Variants in RIMS1 observed in about 807,000 individuals in gnomAD.
RIMS1 encodes regulating synaptic membrane exocytosis protein 1.
Under a neutral mutation model 214.1 loss-of-function variants are expected in RIMS1, and 83 were observed. That is an observed-to-expected ratio of 0.39 (90% CI 0.32 to 0.47). RIMS1 has a LOEUF of 0.47. RIMS1 is among the 20% of genes least tolerant of loss of function. RIMS1 has a pLI of 0.99. For synonymous variants in RIMS1, 793 were observed against 786.8 expected, an observed-to-expected ratio of 1.01 and a Z score of -0.13; for missense variants, 2,050 against 2,161.8, an observed-to-expected ratio of 0.95 and a Z score of 1.03.
intron 4 of RIMS1, among the ~76,000 whole-genome samples, chr6:72,144,445 C>T (rs905395420): frequency 4.6e-5 from 7 of 152,002 alleles, no homozygotes; most frequent in East Asian, 1.9e-4. Flanking sequence ...TGGGGTCCTC[C>T]GTGAAGAGAC....
At chr6:72,309,988 T>C (rs2095429891) in intron 27 of RIMS1, among the ~76,000 whole-genome samples, 1 of 152,094 alleles carries the variant, frequency 6.6e-6, no homozygotes, top group Admixed American at 6.5e-5. Flanking sequence ...CATCAAGTAT[T>C]TTATAACTAT....
chr6:72,181,405 G>A (rs2048382170), intron 5 of RIMS1, among the ~76,000 whole-genome samples: 1 of 152,174 alleles, frequency 6.6e-6, no homozygotes, highest in Non-Finnish European at 1.5e-5. Context: ...GGGAGAAGAA[G>A]AGACAAAAAT....
At chr6:72,088,595 A>G (rs1181296910) in intron 2 of RIMS1, among the ~76,000 whole-genome samples, 6 of 152,096 alleles carry the variant, frequency 3.9e-5, no homozygotes, top group Non-Finnish European at 8.8e-5. Flanking sequence ...TCAGTTTTAG[A>G]GGAATTCATG....
At chr6:71,934,409 T>C (rs1382140784) in intron 1 of RIMS1, among the ~76,000 whole-genome samples, 2 of 152,192 alleles carry the variant, frequency 1.3e-5, no homozygotes, top group Non-Finnish European at 2.9e-5. Context: ...AATACCCTAC[T>C]GTACTCAGTC....
At chr6:71,948,278 C>T (rs920954320) in intron 1 of RIMS1, among the ~76,000 whole-genome samples, 5 of 152,102 alleles carry the variant, frequency 3.3e-5, no homozygotes, top group African/African-American at 1.2e-4. Context: ...GGTTTTCTTT[C>T]TTCTGTGCAC....
intron 4 of RIMS1, among the ~76,000 whole-genome samples, chr6:72,126,503 G>T (rs1200424444): frequency 6.6e-6 from 1 of 151,796 alleles, no homozygotes; most frequent in African/African-American, 2.4e-5. Context: ...AATAGGGGAA[G>T]AGCTTCACAA....
chr6:72,216,355 TGTCCCCA>T, intron 6 of RIMS1: 1 of 622,658 alleles, frequency 1.6e-6, no homozygotes, highest in Non-Finnish European at 2.0e-6. Context: ...CACCTTCTCC[TGTCCCCA>T]GCTCTCTGGC....
intron 23 of RIMS1, among the ~76,000 whole-genome samples, chr6:72,276,408 A>G (rs2086439900): frequency 6.6e-6 from 1 of 152,134 alleles, no homozygotes; most frequent in Admixed American, 6.5e-5. Flanking sequence ...AATTCAAATA[A>G]TACTTTCAGT....
At chr6:71,895,413 G>A (rs549332517) in intron 1 of RIMS1, among the ~76,000 whole-genome samples, 38 of 152,168 alleles carry the variant, frequency 2.5e-4, no homozygotes, top group Middle Eastern at 6.8e-3. Flanking sequence ...GGTGGCTCAC[G>A]CCTGCAATCC....
intron 4 of RIMS1, among the ~76,000 whole-genome samples, chr6:72,105,348 A>AT (rs1245075396): frequency 6.6e-6 from 1 of 152,038 alleles, no homozygotes; most frequent in East Asian, 1.9e-4. Flanking sequence ...CAATAAATGC[A>AT]TTTTACATGG....
intron 1 of RIMS1, among the ~76,000 whole-genome samples, chr6:71,891,304 T>C (rs2150346030): frequency 6.6e-6 from 1 of 152,380 alleles, no homozygotes. Context: ...TTCATTTTTT[T>C]CCTACAAATC....
intron 1 of RIMS1, among the ~76,000 whole-genome samples, chr6:71,906,767 T>C (rs1775375990): frequency 6.6e-6 from 1 of 152,092 alleles, no homozygotes; most frequent in South Asian, 2.1e-4. Context: ...ATTTGTGAAA[T>C]GGGGATGGGT....
chr6:72,379,038 A>G (rs1159582246), intron 29 of RIMS1, among the ~76,000 whole-genome samples: 1 of 152,226 alleles, frequency 6.6e-6, no homozygotes, highest in East Asian at 1.9e-4. Context: ...ATGAAACTGT[A>G]GAGGACTAAA....
intron 29 of RIMS1, among the ~76,000 whole-genome samples, chr6:72,341,149 G>A (rs1225047651): frequency 6.6e-6 from 1 of 152,014 alleles, no homozygotes; most frequent in Non-Finnish European, 1.5e-5. Context: ...CTGAGACTTT[G>A]CTGAAGTTGT....
chr6:71,927,470 T>C (rs1422180892), intron 1 of RIMS1, among the ~76,000 whole-genome samples: 1 of 152,116 alleles, frequency 6.6e-6, no homozygotes, highest in African/African-American at 2.4e-5. Flanking sequence ...AAAAGGCTAG[T>C]CTTGGGTGAA....
At chr6:72,244,750 A>G (rs1335916859) in intron 10 of RIMS1, among the ~76,000 whole-genome samples, 3 of 151,930 alleles carry the variant, frequency 2.0e-5, no homozygotes, top group East Asian at 3.8e-4. Flanking sequence ...AGTATAAATT[A>G]TAGTTGGTTA....
intron 2 of RIMS1, among the ~76,000 whole-genome samples, chr6:72,057,753 C>T (rs1056204947): frequency 3.3e-5 from 5 of 152,122 alleles, no homozygotes; most frequent in African/African-American, 1.2e-4. Context: ...GTGATCTGCC[C>T]GTCTCGGCCT....
chr6:72,251,463 T>G, intron 15 of RIMS1, 95 bp downstream of exon 15: 1 of 1,040,674 alleles, frequency 9.6e-7, no homozygotes, highest in South Asian at 2.1e-5. Flanking sequence ...AAATGTTTTA[T>G]TAGAGATCAA....
At chr6:72,230,144 A>G (rs951458230) in intron 6 of RIMS1, among the ~76,000 whole-genome samples, 1 of 151,844 alleles carries the variant, frequency 6.6e-6, no homozygotes, top group South Asian at 2.1e-4. Context: ...ATGAAAATCT[A>G]TTCTATTAAT....
Sources: allele counts gnomAD v4.1 joint callset (sites outside exome capture counted in the v4.1 genomes callset), GRCh38; gene constraint gnomAD v4.1.1; transcripts MANE v1.5; gene names NCBI Gene and HGNC (gene_info 2026-07-23, HGNC 2026-07-21).